RPTOR: variants seen among roughly 807,000 people sequenced by gnomAD.
RPTOR encodes regulatory associated protein of MTOR complex 1.
Under a neutral mutation model 169.9 loss-of-function variants are expected in RPTOR, and 21 were observed. The observed-to-expected ratio is 0.12, with a 90% CI of 0.09 to 0.18. RPTOR has a LOEUF of 0.18. Ranked by LOEUF, RPTOR falls within the 10% of genes least tolerant of loss-of-function variation. RPTOR has a pLI of 1.00. For missense variants in RPTOR, 1,133 were observed against 1,855.9 expected (o/e 0.61, Z 7.16); for synonymous variants, 732 against 753.2 (o/e 0.97, Z 0.46).
intron 6 of RPTOR, among the ~76,000 whole-genome samples, chr17:80,779,679 G>A (rs902869608): frequency 6.6e-6 from 1 of 152,086 alleles, no homozygotes; most frequent in Admixed American, 6.5e-5. Flanking sequence ...CTGACCTAGC[G>A]TCGCAACCAT....
chr17:80,795,159 T>TG (rs1206473368), intron 7 of RPTOR, among the ~76,000 whole-genome samples: 3 of 152,158 alleles, frequency 2.0e-5, no homozygotes, highest in African/African-American at 7.2e-5. Context: ...CAACAGGCCA[T>TG]GGGCCTGGGG....
intron 7 of RPTOR, among the ~76,000 whole-genome samples, chr17:80,814,855 G>C (rs2067307660): frequency 6.6e-6 from 1 of 152,198 alleles, no homozygotes; most frequent in Non-Finnish European, 1.5e-5. Flanking sequence ...CAAAGGAGCA[G>C]CCCCAAGCAG....
chr17:80,931,251 A>G (rs987567133), intron 24 of RPTOR, among the ~76,000 whole-genome samples: 2 of 152,222 alleles, frequency 1.3e-5, no homozygotes, highest in African/African-American at 4.8e-5. Context: ...TCCTGAACTC[A>G]TCAGAGAGCT....
chr17:80,792,858 T>C (rs1010684514), intron 7 of RPTOR, among the ~76,000 whole-genome samples: 3 of 152,144 alleles, frequency 2.0e-5, no homozygotes, highest in Admixed American at 2.0e-4. Context: ...TAGAGCTCTC[T>C]ATTACCTGTA....
chr17:80,792,717 C>T (rs1339206962), intron 7 of RPTOR, among the ~76,000 whole-genome samples: 1 of 152,108 alleles, frequency 6.6e-6, no homozygotes, highest in Non-Finnish European at 1.5e-5. Context: ...GATCTGTGCT[C>T]CCCTCCCCTT....
In RPTOR at chr17:80,688,005, C is replaced by G. The variant is rs145632964; in HGVS notation, c.349-19836C>G. The stretch of plus-strand genomic sequence containing the variant: ...TCACCTCAGCACCGCTAGCTTCACA[C>G]TGGCCACACCCACCTCCACTCAGCA... On this transcript the variant is annotated intron_variant, in intron 3 of 33. Coordinates refer to ENST00000306801, the MANE Select transcript of RPTOR (RefSeq NM_020761.3). Among the ~76,000 whole-genome samples, 399 of 152,338 alleles carry G rather than the reference C, an allele frequency of 2.6e-3. 2 individuals are homozygous for G. The highest frequency in any genetic ancestry group is 8.5e-3 in the African/African-American group (354 of 41,568).
chr17:80,656,093 CAG>C (rs946325399), intron 3 of RPTOR, among the ~76,000 whole-genome samples: 1 of 151,976 alleles, frequency 6.6e-6, no homozygotes, highest in Non-Finnish European at 1.5e-5. Flanking sequence ...TTCTTTGAGA[CAG>C]AGTCTTGCTC....
rs956591391 is a variant in RPTOR, at chr17:80,845,114, G to A, written c.1213-1359G>A. ...CCGCTCAGTTCCGAGACCTTCCAAC[G>A]GCAGCCTCCCCTGCAGCCTTCACGC... is the stretch of plus-strand genomic sequence containing the variant. On this transcript the variant is annotated intron_variant, in intron 10 of 33. Coordinates refer to ENST00000306801, the MANE Select transcript of RPTOR (RefSeq NM_020761.3). The surrounding 1 kb of genome is among the most constrained non-coding windows in gnomAD (Gnocchi z 5.4). Among the ~76,000 whole-genome samples, 4 of 151,974 alleles carry A rather than the reference G, an allele frequency of 2.6e-5. No homozygotes were observed. Among genetic ancestry groups the A allele is most frequent in the African/African-American group, 9.7e-5 (4 of 41,360 alleles).
intron 6 of RPTOR, among the ~76,000 whole-genome samples, chr17:80,765,167 A>G (rs1026784357): frequency 2.0e-5 from 3 of 152,194 alleles, no homozygotes; most frequent in Admixed American, 2.0e-4. Context: ...CTCTGCATCC[A>G]TAGGGTCTCT....
In RPTOR at chr17:80,812,987, C is replaced by T. The variant is rs564845559; in HGVS notation, c.891-9214C>T. 8.5e-5 allele frequency among the ~76,000 whole-genome samples: 13 copies of T among 152,360 alleles called. No homozygotes were observed. In the South Asian group the frequency reaches 2.7e-3, roughly 32 times the overall value. On this transcript the variant is annotated intron_variant, in intron 7 of 33. Coordinates refer to ENST00000306801, the MANE Select transcript of RPTOR (RefSeq NM_020761.3). Reference sequence around the variant, plus strand: ...TGTCCAGCTGGGACTCTATGTGGCTCTCTTGTTCCCGTTCCTGTCCCTCTG... The same window carrying T: ...TGTCCAGCTGGGACTCTATGTGGCTTTCTTGTTCCCGTTCCTGTCCCTCTG...
chr17:80,802,470 G>C (rs911438182), intron 7 of RPTOR: 8 of 152,414 alleles, frequency 5.2e-5, no homozygotes, highest in African/African-American at 1.9e-4. Context: ...TGTACCTGTA[G>C]TCCCAGCTAC....
intron 7 of RPTOR, among the ~76,000 whole-genome samples, chr17:80,797,956 C>G (rs1279097837): frequency 6.6e-6 from 1 of 152,206 alleles, no homozygotes. Flanking sequence ...ACAAACAGAT[C>G]ATCATCAAGC....
intron 2 of RPTOR, among the ~76,000 whole-genome samples, chr17:80,634,582 T>TACTGTGTGTGTGC (rs2065481647): frequency 2.9e-5 from 2 of 69,674 alleles, no homozygotes; most frequent in Non-Finnish European, 5.9e-5. Context: ...TGTGTGTGTG[T>TACTGTGTGTGTGC]GCGTACTGTG....
intron 33 of RPTOR, 30 bp from the exon 34 acceptor site, chr17:80,964,232 C>G (rs768524574): frequency 6.6e-7 from 1 of 1,520,264 alleles, no homozygotes. Flanking sequence ...CGCACCTGAA[C>G]CCCTGCTCAC....
At chr17:80,856,411 G>A (rs183853461) in intron 12 of RPTOR, among the ~76,000 whole-genome samples, 2 of 152,266 alleles carry the variant, frequency 1.3e-5, no homozygotes, top group South Asian at 2.1e-4. Flanking sequence ...CGGTGGGTGC[G>A]GAACCGCTGT....
intron 6 of RPTOR, among the ~76,000 whole-genome samples, chr17:80,768,525 T>G (rs2066810674): frequency 6.6e-6 from 1 of 152,194 alleles, no homozygotes; most frequent in Non-Finnish European, 1.5e-5. Flanking sequence ...GAAATCAGCT[T>G]GGGTGAAATA....
intron 5 of RPTOR, among the ~76,000 whole-genome samples, chr17:80,753,238 AT>A (rs779365039): frequency 3.9e-5 from 6 of 152,166 alleles, no homozygotes; most frequent in Non-Finnish European, 7.3e-5. Context: ...TCAAACTCAC[AT>A]TTTGTGGTTT....
chr17:80,687,721 T>C (rs2065959435), intron 3 of RPTOR, among the ~76,000 whole-genome samples: 1 of 152,164 alleles, frequency 6.6e-6, no homozygotes, highest in Non-Finnish European at 1.5e-5. Context: ...ACCGTGGGTG[T>C]TGATGATCTC....
chr17:80,961,703 G>A, intron 31 of RPTOR: 1 of 550,880 alleles, frequency 1.8e-6, no homozygotes, highest in African/African-American at 1.9e-5. Context: ...AGGCGCTTTG[G>A]GAACTTTCCT....
Sources: gnomAD v4.1 joint callset for allele counts (sites outside exome capture counted in the v4.1 genomes callset) on GRCh38, gnomAD v4.1.1 for gene constraint, Gnocchi (gnomAD v3.1) non-coding constraint, MANE v1.5 for transcripts, NCBI Gene and HGNC (gene_info 2026-07-23, HGNC 2026-07-21) for gene names.